Variants in EPB41L5 observed in about 807,000 individuals in gnomAD.
EPB41L5 encodes the protein erythrocyte membrane protein band 4.1 like 5.
A neutral mutation model predicts 106.6 loss-of-function variants in EPB41L5; 55 were observed. That is an observed-to-expected ratio of 0.52 (90% CI 0.42 to 0.65). EPB41L5 has a LOEUF of 0.65. EPB41L5 is among the 30% of genes least tolerant of loss of function. The pLI is 0.00. For synonymous variants in EPB41L5, 297 were observed against 306.7 expected, an observed-to-expected ratio of 0.97 and a Z score of 0.33; for missense variants, 871 against 882.1, an observed-to-expected ratio of 0.99 and a Z score of 0.16.
rs1687932177 is a variant in EPB41L5 at position 120,176,779 on chromosome 2, C to T, written c.*1872C>T. The stretch of plus-strand genomic sequence containing the variant: ...ACAGGGTTACCGTTGTGCTGCTCAC[C>T]ACAGAGCAGCTGAGGCATTATGCCT... On this transcript the variant is annotated 3_prime_UTR_variant, in exon 25 of 25. Coordinates refer to ENST00000263713, the MANE Select transcript of EPB41L5 (RefSeq NM_020909.4). 1 of 152,196 alleles carries T rather than the reference C, an allele frequency of 6.6e-6. No individual in the cohort carries two copies. The highest frequency in any genetic ancestry group is 2.4e-5 in the African/African-American group (1 of 41,446). The allele number at this position is 152,196 out of a possible 1,614,324, so 9.4% of individuals were successfully genotyped here.
At chr2:120,044,570 A>G in intron 3 of EPB41L5, among the ~76,000 whole-genome samples, 1 of 152,168 alleles carries the variant, frequency 6.6e-6, no homozygotes, top group Non-Finnish European at 1.5e-5. Flanking sequence ...AAGTATGCCA[A>G]AGTTAGGTTT....
chr2:120,073,320 T>A (rs909775321), intron 4 of EPB41L5, 100 bp downstream of exon 4: 3 of 1,034,998 alleles, frequency 2.9e-6, no homozygotes, highest in Non-Finnish European at 4.3e-6. Flanking sequence ...TCAGATGAGT[T>A]TTTTAGCATT....
intron 23 of EPB41L5, 37 bp downstream of exon 23, chr2:120,167,544 C>T (rs1465693945): frequency 6.2e-7 from 1 of 1,605,772 alleles, no homozygotes; most frequent in African/African-American, 1.3e-5. Flanking sequence ...CTTCTGGCTA[C>T]CCTTTCAGGG....
intron 7 of EPB41L5, among the ~76,000 whole-genome samples, chr2:120,076,742 AAT>A (rs1682272445): frequency 6.6e-6 from 1 of 152,104 alleles, no homozygotes; most frequent in African/African-American, 2.4e-5. Flanking sequence ...CTGAAGTGTG[AAT>A]ACATTAAGAG....
At chr2:120,083,411 G>T (rs973897370) in intron 10 of EPB41L5, among the ~76,000 whole-genome samples, 1 of 149,758 alleles carries the variant, frequency 6.7e-6, no homozygotes, top group Non-Finnish European at 1.5e-5. Context: ...GTAGTTGAGT[G>T]GTTTTGAGTG....
intron 16 of EPB41L5, chr2:120,105,814 T>TG: frequency 1.0e-6 from 1 of 985,106 alleles, no homozygotes; most frequent in Non-Finnish European, 1.2e-6. Flanking sequence ...TCATGGCTGA[T>TG]TTTTTTTCTT....
intron 21 of EPB41L5, 125 bp downstream of exon 21, chr2:120,161,099 C>T (rs192961378): frequency 9.9e-6 from 7 of 708,990 alleles, no homozygotes; most frequent in East Asian, 5.1e-5. Flanking sequence ...GAAGAGCAGC[C>T]GAGCACAGGG....
chr2:120,038,127 T>A (rs796205592), intron 2 of EPB41L5, among the ~76,000 whole-genome samples: 1 of 152,190 alleles, frequency 6.6e-6, no homozygotes, highest in Non-Finnish European at 1.5e-5. Context: ...GAACCAGATA[T>A]ATGATAAGAG....
chr2:120,019,574 T>C (rs540895827), intron 2 of EPB41L5, among the ~76,000 whole-genome samples: 3 of 152,328 alleles, frequency 2.0e-5, no homozygotes, highest in African/African-American at 2.4e-5. Context: ...CATGATGTAG[T>C]CTAGTGGATT....
rs1161109903 is a variant in EPB41L5 at position 120,051,278 on chromosome 2, C to A, written c.285+9168C>A. ...GTGGAGTCTACAGAGGCAGGCAGGC[C>A]TCCTTGAGCTGCGGTGGGCTCCACC... is the stretch of plus-strand genomic sequence containing the variant. On this transcript the variant is annotated intron_variant, in intron 3 of 24. Coordinates refer to ENST00000263713, the MANE Select transcript of EPB41L5 (RefSeq NM_020909.4). 1.1e-4 allele frequency among the ~76,000 whole-genome samples: 16 copies of A among 152,232 alleles called. 1 individual carries two copies. The highest frequency in any genetic ancestry group is 1.0e-3 in the Admixed American group (16 of 15,286).
chr2:120,078,992 TC>T (rs1177831878), intron 10 of EPB41L5, among the ~76,000 whole-genome samples: 6 of 152,174 alleles, frequency 3.9e-5, no homozygotes, highest in Admixed American at 3.3e-4. Flanking sequence ...CTTATACTGT[TC>T]CAGCTTTTAT....
rs772152390 is a variant in EPB41L5 at position 120,019,139 on chromosome 2, G to A, written c.55G>A (p.Glu19Lys). 2.7e-5 allele frequency: 44 copies of A among 1,613,758 alleles called. No individual in the cohort carries two copies. The highest frequency in any genetic ancestry group is 1.9e-4 in the South Asian group (17 of 91,058). The change falls in exon 2 of 25, where the codon GAG becomes AAG. Residue 19 changes from glutamate (E) to lysine (K), a missense_variant. Physicochemically the swap from Glu to Lys is moderately conservative, Grantham distance 56. Coordinates refer to ENST00000263713, the MANE Select transcript of EPB41L5 (RefSeq NM_020909.4). ...GCGTCGGTCTATGCGTAAACATGCA[G>A]AGAAGGAACGACTCCGAGAAGCACA... ...LGRRSMRKHA[E>K]KERLREAQRA...
intron 9 of EPB41L5, 132 bp downstream of exon 9, chr2:120,077,448 A>T: frequency 3.6e-6 from 2 of 551,526 alleles, no homozygotes; most frequent in Non-Finnish European, 6.1e-6. Flanking sequence ...ATGTATGGTT[A>T]AAAAGTTTGA....
chr2:120,088,748 T>C (rs1683229725), intron 11 of EPB41L5, among the ~76,000 whole-genome samples: 1 of 152,178 alleles, frequency 6.6e-6, no homozygotes, highest in African/African-American at 2.4e-5. Flanking sequence ...TTGCTAATGT[T>C]TGGAATTCTG....
chr2:120,173,008 GC>G (rs1292219523), intron 24 of EPB41L5, among the ~76,000 whole-genome samples: 1 of 152,102 alleles, frequency 6.6e-6, no homozygotes, highest in Non-Finnish European at 1.5e-5. Context: ...CAAGGAGATC[GC>G]TTAAGACCGG....
rs749366748 is a variant in EPB41L5 at position 120,091,644 on chromosome 2, G to C, written c.1133G>C (p.Arg378Pro). The change falls in exon 13 of 25, where the codon CGA (arginine) becomes CCA (proline). Residue 378 changes from arginine (R) to proline (P), a missense_variant. Coordinates refer to ENST00000263713, the MANE Select transcript of EPB41L5 (RefSeq NM_020909.4). Reference protein sequence around the residue: ...ERRPSKRYSRRTLQMKACATK... With the variant: ...ERRPSKRYSRPTLQMKACATK... ...AGGCCCAGCAAACGATATTCTAGAC[G>C]AACTCTACAAATGAAAGGTGAAGTG... 1 of 1,612,728 alleles carries C rather than the reference G, an allele frequency of 6.2e-7. No homozygotes were observed. Among genetic ancestry groups the C allele is most frequent in the South Asian group, 1.1e-5 (1 of 91,010 alleles).
At chr2:120,141,243 AC>A (rs1405699381) in intron 18 of EPB41L5, among the ~76,000 whole-genome samples, 2 of 152,106 alleles carry the variant, frequency 1.3e-5, no homozygotes, top group Admixed American at 1.3e-4. Flanking sequence ...CAAGTTCTTG[AC>A]CCTCAGGAAA....
At chr2:120,081,981 G>T (rs1318277895) in intron 10 of EPB41L5, among the ~76,000 whole-genome samples, 4 of 152,200 alleles carry the variant, frequency 2.6e-5, no homozygotes, top group Non-Finnish European at 5.9e-5. Context: ...CTTTGCTGAA[G>T]TTCCTTATCA....
At chr2:120,062,156 A>C (rs192898869) in intron 3 of EPB41L5, among the ~76,000 whole-genome samples, 2 of 152,354 alleles carry the variant, frequency 1.3e-5, no homozygotes, top group Admixed American at 1.3e-4. Context: ...AGAAGGAAAT[A>C]AAATTATCAC....
Sources: gnomAD v4.1 joint callset for allele counts (sites outside exome capture counted in the v4.1 genomes callset) on GRCh38, gnomAD v4.1.1 for gene constraint, MANE v1.5 for transcripts, NCBI Gene and HGNC (gene_info 2026-07-23, HGNC 2026-07-21) for gene names.